Variants in LAMA1 observed in about 807,000 individuals in gnomAD.
LAMA1 encodes the protein laminin subunit alpha-1.
A neutral mutation model predicts 348.7 loss-of-function variants in LAMA1; 219 were observed. The observed-to-expected ratio is 0.63, with a 90% CI of 0.56 to 0.70. The LOEUF is 0.70. LAMA1 is among the 30% of genes least tolerant of loss of function. The pLI is 0.00. For missense variants in LAMA1, 3,744 were observed against 3,888.0 expected (o/e 0.96, Z 0.99); for synonymous variants, 1,487 against 1,491.0 (o/e 1.00, Z 0.06).
At chr18:6,988,423 C>T (rs540126978) in intron 36 of LAMA1, among the ~76,000 whole-genome samples, 7 of 152,314 alleles carry the variant, frequency 4.6e-5, no homozygotes, top group South Asian at 4.1e-4. Flanking sequence ...TGTGCGTCAG[C>T]GTACTAAAAG....
intron 1 of LAMA1, among the ~76,000 whole-genome samples, chr18:7,087,207 A>G (rs1008680347): frequency 3.3e-5 from 5 of 152,244 alleles, no homozygotes; most frequent in Admixed American, 6.5e-5. Context: ...GTCCTGGTTG[A>G]GGTATTGCAG....
chr18:7,027,301 C>G (rs1172284597), intron 16 of LAMA1, among the ~76,000 whole-genome samples: 1 of 152,004 alleles, frequency 6.6e-6, no homozygotes, highest in East Asian at 1.9e-4. Flanking sequence ...TGGCCATTGT[C>G]TATGCAAACT....
intron 3 of LAMA1, among the ~76,000 whole-genome samples, chr18:7,056,484 C>T (rs1458259887): frequency 4.6e-5 from 7 of 152,096 alleles, no homozygotes; most frequent in African/African-American, 1.2e-4. Flanking sequence ...TGTTTTTGTG[C>T]CCATTTTACA....
At chr18:7,004,263 T>C (rs992908307) in intron 29 of LAMA1, among the ~76,000 whole-genome samples, 10 of 152,180 alleles carry the variant, frequency 6.6e-5, no homozygotes. Flanking sequence ...CAGAAGGCGG[T>C]GGTAGGGAGT....
intron 16 of LAMA1, among the ~76,000 whole-genome samples, chr18:7,031,693 A>AAATAAATAAATAAATAAATG (rs2057969827): frequency 6.6e-6 from 1 of 151,886 alleles, no homozygotes; most frequent in Non-Finnish European, 1.5e-5. Flanking sequence ...ATAAATAAAT[A>AAATAAATAAATAAATAAATG]AATAAATATT....
At chr18:7,085,697 CG>C (rs1344833173) in intron 1 of LAMA1, among the ~76,000 whole-genome samples, 1 of 152,114 alleles carries the variant, frequency 6.6e-6, no homozygotes, top group Non-Finnish European at 1.5e-5. Flanking sequence ...GGATTACAGG[CG>C]TGAGCCACCG....
intron 52 of LAMA1, 61 bp from the exon 53 acceptor site, chr18:6,961,820 G>C (rs1414073123): frequency 3.6e-5 from 57 of 1,594,330 alleles, no homozygotes; most frequent in Non-Finnish European, 4.7e-5. Context: ...ACCTTCCGTG[G>C]GGAGGACACT....
intron 3 of LAMA1, among the ~76,000 whole-genome samples, chr18:7,052,434 A>T (rs1303542300): frequency 6.6e-6 from 1 of 151,124 alleles, no homozygotes; most frequent in Admixed American, 6.6e-5. Context: ...CTGTATCAAA[A>T]AAAAAAAAAT....
Position 7,033,031 on chromosome 18 carries a change from C to T in LAMA1, c.2116G>A (p.Val706Met), listed in dbSNP as rs946684687. Reference sequence around the variant, plus strand: ...CCTTGCGGACATTCACAGTGCTCCACATCAGCGGCCACCACCAGGTCGATG... The same window carrying T: ...CCTTGCGGACATTCACAGTGCTCCATATCAGCGGCCACCACCAGGTCGATG... ...NAIDLVVAAD[V>M]EHCECPQGYT... is the part of the protein sequence containing the mutation. The change falls in exon 15 of 63, where the codon GTG becomes ATG. Residue 706 changes from valine to methionine, a missense_variant. Val to Met is a conservative substitution (Grantham distance 21). Transcript: ENST00000389658. 9 of 1,612,544 alleles carry T rather than the reference C, an allele frequency of 5.6e-6. No homozygotes were observed. Among genetic ancestry groups the T allele is most frequent in the Non-Finnish European group, 7.6e-6 (9 of 1,179,388 alleles).
chr18:6,973,023 T>TC, intron 47 of LAMA1, 34 bp downstream of exon 47: 1 of 1,612,368 alleles, frequency 6.2e-7, no homozygotes, highest in Non-Finnish European at 8.5e-7. Flanking sequence ...AATCAGTCAA[T>TC]CAGTCCTGTT....
intron 1 of LAMA1, among the ~76,000 whole-genome samples, chr18:7,099,494 A>AC (rs981292449): frequency 3.1e-4 from 47 of 151,782 alleles, no homozygotes; most frequent in East Asian, 5.8e-4. Flanking sequence ...AAAAAAACAA[A>AC]AAAAAAAATG....
chr18:6,999,249 C>T (rs2057796373), intron 32 of LAMA1, among the ~76,000 whole-genome samples, 196 bp downstream of exon 32: 1 of 152,168 alleles, frequency 6.6e-6, no homozygotes, highest in Admixed American at 6.5e-5. Context: ...TTAGAACCTC[C>T]TGCCTCAGCT....
At chr18:7,010,693 C>CT (rs2057855718) in intron 25 of LAMA1, among the ~76,000 whole-genome samples, 2 of 152,192 alleles carry the variant, frequency 1.3e-5, no homozygotes, top group South Asian at 4.1e-4. Flanking sequence ...TCCAGGAGCA[C>CT]TGGGTGCATA....
At chr18:7,097,861 C>CCCACGGTCTCCCTCTCCCTCTCTTT (rs1385600831) in intron 1 of LAMA1, among the ~76,000 whole-genome samples, 9 of 151,218 alleles carry the variant, frequency 6.0e-5, no homozygotes, top group Non-Finnish European at 1.2e-4. Flanking sequence ...CTCCCCTCTC[C>CCCACGGTCTCCCTCTCCCTCTCTTT]CCACGGTCTC....
intron 55 of LAMA1, 77 bp from the exon 56 acceptor site, chr18:6,956,842 G>A (rs981783745): frequency 2.2e-5 from 33 of 1,493,122 alleles, no homozygotes; most frequent in African/African-American, 4.1e-5. Flanking sequence ...TCTGATAACT[G>A]TACAATGAAA....
chr18:6,971,892 A>G lies in LAMA1; in HGVS notation c.6864T>C (p.Ile2288=). The change falls in exon 48 of 63, where the codon ATT becomes ATC. Residue 2288 remains isoleucine (I), a synonymous_variant. Coordinates refer to ENST00000389658, the MANE Select transcript of LAMA1 (RefSeq NM_005559.4). ...ACCCACGGCACTTGCCTTCCCTTTC[A>G]ATATAGTTCCATAGGCCTATGGATT... ...NGKSIGLWNY[I]EREGKCRGCF... is the part of the protein sequence containing the mutation. 6.2e-7 allele frequency: 1 copy of G among 1,614,088 alleles called. No individual in the cohort carries two copies. The highest frequency in any genetic ancestry group is 8.5e-7 in the Non-Finnish European group (1 of 1,180,014).
intron 32 of LAMA1, among the ~76,000 whole-genome samples, chr18:6,998,540 CAAGTG>C (rs1029864752): frequency 1.3e-5 from 2 of 152,132 alleles, no homozygotes; most frequent in Admixed American, 6.5e-5. Flanking sequence ...TTCACAAGTA[CAAGTG>C]AAGGACACTG....
rs549501223 is a variant in LAMA1 at position 7,013,851 on chromosome 18, G to A, written c.3327C>T (p.Cys1109=). Reference sequence around the variant, plus strand: ...AGGCCCCGGTTTCCTCCACACAGCCGCAGAGACCCTGCTCCAGGTTGCAGG... The same window carrying A: ...AGGCCCCGGTTTCCTCCACACAGCCACAGAGACCCTGCTCCAGGTTGCAGG... ...GDACNLEQGL[C]GCVEETGACP... Residue 1109 remains cysteine, a synonymous_variant, in exon 23 of 63, where the codon TGC becomes TGT. Coordinates refer to ENST00000389658, the MANE Select transcript of LAMA1 (RefSeq NM_005559.4). 9.9e-6 allele frequency: 16 copies of A among 1,611,490 alleles called. No homozygotes were observed. Among genetic ancestry groups the A allele is most frequent in the South Asian group, 3.3e-5 (3 of 90,594 alleles).
At chr18:7,015,956 A>G in intron 21 of LAMA1, 98 bp from the exon 22 acceptor site, 1 of 1,418,978 alleles carries the variant, frequency 7.0e-7, no homozygotes. Flanking sequence ...AGTCCAAGCC[A>G]CTCTTCTCAC....
Sources: allele counts gnomAD v4.1 joint callset (sites outside exome capture counted in the v4.1 genomes callset), GRCh38; gene constraint gnomAD v4.1.1; transcripts MANE v1.5; gene names NCBI Gene and HGNC (gene_info 2026-07-23, HGNC 2026-07-21).